The following RRBP1 variants were observed in gnomAD, a reference collection of about 807,000 sequenced individuals.
The protein encoded by RRBP1 is ribosome-binding protein 1.
RRBP1 carries 94 observed loss-of-function variants against 165.2 expected under a neutral mutation model. That is an observed-to-expected ratio of 0.57 (90% CI 0.48 to 0.68). RRBP1 has a LOEUF of 0.68. Among genes scored for constraint, RRBP1 ranks in the 30% least tolerant of loss-of-function variants. The probability of loss-of-function intolerance (pLI) is 0.00; values close to 1 mark genes in which losing one functional copy is unlikely to be tolerated. For synonymous variants in RRBP1, 680 were observed against 714.5 expected (o/e 0.95, Z 0.77); for missense variants, 1,676 against 1,763.0 (o/e 0.95, Z 0.88).
intron 2 of RRBP1, among the ~76,000 whole-genome samples, chr20:17,675,198 G>A (rs932028191): frequency 6.6e-6 from 1 of 152,240 alleles, no homozygotes; most frequent in African/African-American, 2.4e-5. Flanking sequence ...GCATGTGACT[G>A]TCAATTTCTC....
At position 17,659,994 on chromosome 20, in the gene RRBP1, T is replaced by C. The variant is rs374796761; in HGVS notation, c.514A>G (p.Thr172Ala). The C allele has an allele frequency of 1.2e-6, 2 of 1,611,362 alleles. No homozygotes were observed. The highest frequency in any genetic ancestry group is 1.7e-6 in the Non-Finnish European group (2 of 1,178,678). The stretch of plus-strand genomic sequence containing the variant: ...ACCATCGGCACCTCCTTGGGAGCAG[T>C]TTCCAAGATGGCAGCCTTCGAAGTG... ...VLTSKAAILE[T>A]APKEVPMVVV... Residue 172 changes from threonine (T) to alanine (A), a missense_variant, in exon 3 of 25, where the codon ACT becomes GCT. Transcript: ENST00000377813.
At chr20:17,648,245 G>A (rs796524533) in intron 3 of RRBP1, among the ~76,000 whole-genome samples, 3 of 152,342 alleles carry the variant, frequency 2.0e-5, no homozygotes, top group African/African-American at 4.8e-5. Context: ...GACTGTGGCC[G>A]TGAAGGCTCC....
At chr20:17,678,446 CAA>C (rs1243611491) in intron 2 of RRBP1, among the ~76,000 whole-genome samples, 1 of 152,206 alleles carries the variant, frequency 6.6e-6, no homozygotes, top group African/African-American at 2.4e-5. Flanking sequence ...ACAATGCACA[CAA>C]AGAGGCGGGA....
intron 2 of RRBP1, among the ~76,000 whole-genome samples, chr20:17,677,594 C>T (rs1440289067): frequency 6.6e-6 from 1 of 152,186 alleles, no homozygotes; most frequent in Non-Finnish European, 1.5e-5. Context: ...AATCCTAGCA[C>T]TTTGGGAGGC....
intron 6 of RRBP1, 94 bp from the exon 7 acceptor site, chr20:17,635,758 AG>A: frequency 1.1e-6 from 1 of 920,012 alleles, no homozygotes. Context: ...AGCCCACAAA[AG>A]AAAACCCCCA....
At chr20:17,655,319 T>C (rs1297022881) in intron 3 of RRBP1, among the ~76,000 whole-genome samples, 1 of 152,200 alleles carries the variant, frequency 6.6e-6, no homozygotes, top group African/African-American at 2.4e-5. Flanking sequence ...CCCAGCTGCT[T>C]TTTGACTTTT....
At chr20:17,671,421 C>G (rs1322251224) in intron 2 of RRBP1, among the ~76,000 whole-genome samples, 2 of 152,198 alleles carry the variant, frequency 1.3e-5, no homozygotes, top group Non-Finnish European at 2.9e-5. Flanking sequence ...CAATGATCTG[C>G]TCGCCCCTGG....
Position 17,635,603 on chromosome 20 carries a change from T to C in RRBP1, c.2399A>G (p.Gln800Arg), listed in dbSNP as rs779479909. 1.9e-6 allele frequency: 3 copies of C among 1,613,416 alleles called. No homozygotes were observed. The African/African-American group carries it at 4.0e-5, about 22-fold the overall frequency. ...GPNTQLARLQ[Q>R]ENSILRDALN... ...GGCATCCCGCAGGATGGAGTTCTCC[T>C]GCTGCAGGCGGGCCAGCTGCGTGTT... is the stretch of plus-strand genomic sequence containing the variant. Residue 800 changes from glutamine to arginine, a missense_variant, in exon 7 of 25, where the codon CAG (glutamine) becomes CGG (arginine). By Grantham distance (43) the Gln-to-Arg change is conservative (BLOSUM62 1). Transcript: ENST00000377813.
chr20:17,630,379 C>T (rs537699750), intron 8 of RRBP1, among the ~76,000 whole-genome samples: 15 of 152,364 alleles, frequency 9.8e-5, no homozygotes, highest in African/African-American at 3.1e-4. Context: ...CACACACACA[C>T]GCACGGTGCA....
At chr20:17,653,153 C>G (rs2122416596) in intron 3 of RRBP1, among the ~76,000 whole-genome samples, 1 of 152,318 alleles carries the variant, frequency 6.6e-6, no homozygotes, top group South Asian at 2.1e-4. Context: ...GGTGGGAATT[C>G]TGCCAGATGC....
intron 13 of RRBP1, among the ~76,000 whole-genome samples, chr20:17,622,313 G>A (rs968844158): frequency 2.0e-5 from 3 of 152,278 alleles, no homozygotes; most frequent in Non-Finnish European, 2.9e-5. Context: ...TGGGGGGTCC[G>A]CAGTTGATGT....
At chr20:17,655,233 T>C (rs902966484) in intron 3 of RRBP1, among the ~76,000 whole-genome samples, 4 of 152,176 alleles carry the variant, frequency 2.6e-5, no homozygotes, top group Non-Finnish European at 5.9e-5. Flanking sequence ...CAGGTCTCAC[T>C]ATGTTGCCCA....
intron 1 of RRBP1, among the ~76,000 whole-genome samples, chr20:17,680,572 G>A (rs1291815911): frequency 6.6e-6 from 1 of 152,038 alleles, no homozygotes; most frequent in Non-Finnish European, 1.5e-5. Flanking sequence ...ATTGCCTTCT[G>A]TTTGTACAAG....
At chr20:17,636,278 C>A (rs1034303587) in intron 6 of RRBP1, among the ~76,000 whole-genome samples, 1 of 152,224 alleles carries the variant, frequency 6.6e-6, no homozygotes, top group Non-Finnish European at 1.5e-5. Context: ...TCACAGACAC[C>A]CAGGAGGCAG....
chr20:17,615,871 G>C, intron 22 of RRBP1, 55 bp downstream of exon 22: 2 of 1,478,774 alleles, frequency 1.4e-6, no homozygotes, highest in Non-Finnish European at 1.9e-6. Context: ...TCATTCCCTG[G>C]AGACTCAGGG....
chr20:17,658,629 T>C lies in RRBP1; in HGVS notation c.1879A>G (p.Lys627Glu). ...CCTTTTTTCTTTGAACCAGACTTCT[T>C]CTTGGCAGGAGCCTCTTGCTTTGGT... ...EAPKQEAPAK[K>E]KSGSKKKGEP... The change falls in exon 3 of 25, where the codon AAG (lysine) becomes GAG (glutamate). Residue 627 changes from lysine (K) to glutamate (E), a missense_variant. Lys to Glu is a moderately conservative substitution (Grantham distance 56). Transcript: ENST00000377813. The C allele has an allele frequency of 3.7e-6, 6 of 1,607,240 alleles. No homozygotes were observed. The highest frequency in any genetic ancestry group is 5.1e-6 in the Non-Finnish European group (6 of 1,177,452).
intron 2 of RRBP1, among the ~76,000 whole-genome samples, chr20:17,672,608 T>C (rs2036998233): frequency 1.3e-5 from 2 of 152,220 alleles, no homozygotes; most frequent in South Asian, 4.1e-4. Flanking sequence ...AGACAAAAAG[T>C]CTGGCACTTT....
intron 2 of RRBP1, among the ~76,000 whole-genome samples, chr20:17,677,697 G>A (rs555345459): frequency 6.6e-6 from 1 of 152,178 alleles, no homozygotes; most frequent in East Asian, 1.9e-4. Context: ...AAATTAGCCG[G>A]GTGTGGTGGC....
chr20:17,626,329 C>G (rs1016861644), intron 11 of RRBP1, among the ~76,000 whole-genome samples: 2 of 152,216 alleles, frequency 1.3e-5, no homozygotes, highest in South Asian at 4.1e-4. Flanking sequence ...ACAAACACCA[C>G]CAGGAGAAAC....
Sources: allele counts gnomAD v4.1 joint callset (sites outside exome capture counted in the v4.1 genomes callset), GRCh38; gene constraint gnomAD v4.1.1; transcripts MANE v1.5; gene names NCBI Gene and HGNC (gene_info 2026-07-23, HGNC 2026-07-21).